The following DSP variants were observed in gnomAD, a reference collection of about 807,000 sequenced individuals.
The protein encoded by DSP is 250/210 kDa paraneoplastic pemphigus antigen.
A neutral mutation model predicts 290.6 loss-of-function variants in DSP; 114 were observed. The ratio of observed to expected loss-of-function variants is 0.39; its 90% CI spans 0.34 to 0.46. The LOEUF is 0.46. DSP is among the 20% of genes least tolerant of loss of function. The pLI, the probability that DSP is intolerant of heterozygous loss-of-function variation, is 0.99. For missense variants in DSP, 3,230 were observed against 3,495.8 expected, an observed-to-expected ratio of 0.92 and a Z score of 1.92; for synonymous variants, 1,311 against 1,316.4, an observed-to-expected ratio of 1.00 and a Z score of 0.09.
intron 7 of DSP, among the ~76,000 whole-genome samples, chr6:7,566,064 C>T (rs1296407148): frequency 6.6e-6 from 1 of 152,134 alleles, no homozygotes; most frequent in Non-Finnish European, 1.5e-5. Flanking sequence ...AGAACTGGTA[C>T]GTTCAGATAA....
intron 7 of DSP, 62 bp from the exon 8 acceptor site, chr6:7,566,315 T>C: frequency 7.6e-7 from 1 of 1,317,358 alleles, no homozygotes; most frequent in South Asian, 1.2e-5. Flanking sequence ...AAAAGTACTG[T>C]GGGGGTGATG....
Position 7,583,793 on chromosome 6 carries a change from CA to C in DSP, c.6536del (p.Lys2179ArgfsTer8). ...AGAAAAACTTTGTGGATCCAGTCAC[CA>C]AAAAGAAGGTCAGTTACGTGCAGCT... ...SQKNFVDPVT[K>X]KKVSYVQLKE... On this transcript the variant is annotated frameshift_variant, in exon 24 of 24. Coordinates refer to ENST00000379802, the MANE Select transcript of DSP (RefSeq NM_004415.4). LOFTEE classifies it high-confidence loss of function. The surrounding 1 kb of genome is among the most constrained non-coding windows in gnomAD (Gnocchi z 4.0). 6.2e-7 allele frequency: 1 copy of C among 1,613,944 alleles called. No homozygotes were observed.
intron 2 of DSP, 98 bp from the exon 3 acceptor site, chr6:7,558,018 T>C: frequency 7.0e-7 from 1 of 1,433,836 alleles, no homozygotes; most frequent in Non-Finnish European, 9.8e-7. Context: ...TTACAGTTTT[T>C]GTCATGTTTA....
rs182786470 is a variant in DSP at position 7,543,097 on chromosome 6, G to A, written c.170+1012G>A. 6.0e-3 allele frequency among the ~76,000 whole-genome samples: 908 copies of A among 152,288 alleles called. 4 individuals carry two copies. Among genetic ancestry groups the A allele is most frequent in the African/African-American group, 0.02 (849 of 41,576 alleles). On this transcript the variant is annotated intron_variant, in intron 1 of 23. Coordinates refer to ENST00000379802, the MANE Select transcript of DSP (RefSeq NM_004415.4). ...AAGAGATCCTGTCCCTGCTTTGACC[G>A]GGTCTCGGGAGCTGGACTCTAGATG...
chr6:7,549,221 C>T (rs576613075), intron 1 of DSP, among the ~76,000 whole-genome samples: 6 of 152,156 alleles, frequency 3.9e-5, no homozygotes, highest in Admixed American at 3.9e-4. Flanking sequence ...GCGATCTCGG[C>T]TCACTGCAAC....
Position 7,580,611 on chromosome 6 carries a change from A to G in DSP, c.4421A>G (p.Lys1474Arg), listed in dbSNP as rs756456881. ...AAGCAATCTCTTGATGATGCTGCCA[A>G]AACCATCCAGGATAAAAACAAGGAG... ...RYKQSLDDAA[K>R]TIQDKNKEIE... The change falls in exon 23 of 24, where the codon AAA becomes AGA. Residue 1474 changes from lysine to arginine, a missense_variant. Transcript: ENST00000379802. This position sits in a 1 kb window ranked among gnomAD's most constrained non-coding sequence, Gnocchi z 4.2. The G allele has an allele frequency of 2.5e-6, 4 of 1,614,154 alleles. No homozygotes were observed. The South Asian group carries it at 3.3e-5, about 13-fold the overall frequency.
rs200752536 is a variant in DSP, at chr6:7,583,557, C to A, written c.6295C>A (p.Pro2099Thr). Residue 2099 changes from proline (P) to threonine (T), a missense_variant, in exon 24 of 24, where the codon CCA (proline) becomes ACA (threonine). Coordinates refer to ENST00000379802, the MANE Select transcript of DSP (RefSeq NM_004415.4). This position sits in a 1 kb window ranked among gnomAD's most constrained non-coding sequence, Gnocchi z 4.0. ...AEKAITGFDD[P>T]FSGKTVSVSE... ...AAAAGCTATCACTGGTTTTGATGAT[C>A]CATTTTCAGGCAAGACAGTATCTGT... 266 of 1,613,996 alleles carry A rather than the reference C, an allele frequency of 1.6e-4. No homozygotes were observed. Among genetic ancestry groups the A allele is most frequent in the Non-Finnish European group, 1.7e-5 (20 of 1,180,040 alleles).
At chr6:7,572,700 T>A (rs1759092089) in intron 15 of DSP, among the ~76,000 whole-genome samples, 1 of 152,158 alleles carries the variant, frequency 6.6e-6, no homozygotes, top group South Asian at 2.1e-4. Flanking sequence ...AGTACTAACC[T>A]CTGTGTGATC....
chr6:7,558,597 C>A (rs1036737273), intron 3 of DSP, among the ~76,000 whole-genome samples: 2 of 151,120 alleles, frequency 1.3e-5, no homozygotes, highest in Middle Eastern at 3.5e-3. Context: ...TCGCCGCAGC[C>A]TCAACCTCCT....
intron 1 of DSP, among the ~76,000 whole-genome samples, chr6:7,545,124 T>G (rs1399755090): frequency 6.6e-6 from 1 of 152,228 alleles, no homozygotes; most frequent in Non-Finnish European, 1.5e-5. Flanking sequence ...CAGAAAATAG[T>G]CATTAAGTTT....
chr6:7,564,045 G>A (rs1403714443), intron 6 of DSP, among the ~76,000 whole-genome samples: 5 of 152,118 alleles, frequency 3.3e-5, no homozygotes, highest in African/African-American at 7.2e-5. Context: ...TGATCCGCCC[G>A]CCTTGGCCTT....
Position 7,582,519 on chromosome 6 carries a change from A to G in DSP, c.5380-123A>G. 2.2e-6 allele frequency: 2 copies of G among 915,456 alleles called. No homozygotes were observed. The highest frequency in any genetic ancestry group is 3.3e-6 in the Non-Finnish European group (2 of 599,290). 56.7% of individuals were successfully genotyped at this position (915,456 alleles called of 1,614,324 possible). On this transcript the variant is annotated intron_variant, in intron 23 of 23. Coordinates refer to ENST00000379802, the MANE Select transcript of DSP (RefSeq NM_004415.4). The surrounding 1 kb of genome is among the most constrained non-coding windows in gnomAD (Gnocchi z 4.2). Reference sequence around the variant, plus strand: ...ACAGTGTATCCAGGGACAATATAGAAAGAAAAAATAAGCAAGGCTTTTTTT... The same window carrying G: ...ACAGTGTATCCAGGGACAATATAGAGAGAAAAAATAAGCAAGGCTTTTTTT...
intron 1 of DSP, among the ~76,000 whole-genome samples, chr6:7,545,506 C>T (rs1758147321): frequency 6.6e-6 from 1 of 152,190 alleles, no homozygotes; most frequent in South Asian, 2.1e-4. Flanking sequence ...TGTAATTACA[C>T]CATGCAAGTA....
At chr6:7,562,371 TGG>T (rs1196434746) in intron 4 of DSP, among the ~76,000 whole-genome samples, 18 of 146,020 alleles carry the variant, frequency 1.2e-4, no homozygotes, top group Admixed American at 8.1e-4. Flanking sequence ...CAGGTAGATT[TGG>T]TTTTTTTTTT....
intron 20 of DSP, among the ~76,000 whole-genome samples, 198 bp downstream of exon 20, chr6:7,577,240 G>A (rs1166767154): frequency 6.6e-6 from 1 of 152,152 alleles, no homozygotes; most frequent in African/African-American, 2.4e-5. Context: ...CATTTGAATG[G>A]CTGGTTTCTA....
At position 7,570,545 on chromosome 6, in the gene DSP, G is replaced by A; in HGVS notation, c.1683G>A (p.Arg561=). Residue 561 remains arginine (R), a synonymous_variant, in exon 13 of 24, where the codon AGG becomes AGA. Transcript: ENST00000379802. ...HYCMIDIEKI[R]AMTIAKLKTM... is the part of the protein sequence containing the mutation. ...GCATGATTGACATAGAGAAGATCAG[G>A]GCCATGACAATCGCCAAGGTATGTC... 1 of 1,613,420 alleles carries A rather than the reference G, an allele frequency of 6.2e-7. No homozygotes were observed. Among genetic ancestry groups the A allele is most frequent in the Non-Finnish European group, 8.5e-7 (1 of 1,180,018 alleles).
intron 1 of DSP, 39 bp downstream of exon 1, chr6:7,542,124 C>A (rs1048109675): frequency 6.5e-7 from 1 of 1,550,238 alleles, no homozygotes. Flanking sequence ...GCGGGGCTCG[C>A]GGGACAGGGA....
Position 7,541,760 on chromosome 6 carries a change from G to T in DSP, c.-156G>T. On this transcript the variant is annotated 5_prime_UTR_variant, in exon 1 of 24. Transcript: ENST00000379802. ...CGTCTCCGCGCTCGCAGCGGCCTCG[G>T]GAGGGCCCAGGTAGCGAGCAGCGAC... The T allele has an allele frequency of 1.1e-6, 1 of 935,404 alleles. No homozygotes were observed. The highest frequency in any genetic ancestry group is 1.5e-6 in the Non-Finnish European group (1 of 659,430). The allele number at this position is 935,404 out of a possible 1,614,324, so 57.9% of individuals were successfully genotyped here.
chr6:7,553,696 C>A (rs577361329), intron 1 of DSP, among the ~76,000 whole-genome samples: 5 of 152,242 alleles, frequency 3.3e-5, no homozygotes, highest in South Asian at 4.1e-4. Flanking sequence ...AGAAACGGAC[C>A]TCATTTCCTG....
Sources: gnomAD v4.1 joint callset for allele counts (sites outside exome capture counted in the v4.1 genomes callset) on GRCh38, gnomAD v4.1.1 for gene constraint, Gnocchi (gnomAD v3.1) non-coding constraint, MANE v1.5 for transcripts, NCBI Gene and HGNC (gene_info 2026-07-23, HGNC 2026-07-21) for gene names.